COL26A1: variants seen among roughly 807,000 people sequenced by gnomAD.
The protein encoded by COL26A1 is collagen type XXVI alpha 1 chain.
Under a neutral mutation model 59.3 loss-of-function variants are expected in COL26A1, and 41 were observed. That is an observed-to-expected ratio of 0.69 (90% confidence interval 0.54 to 0.90). The LOEUF (loss-of-function observed/expected upper bound fraction) is 0.90. Among genes scored for constraint, COL26A1 ranks in the 40% least tolerant of loss-of-function variants. COL26A1 has a pLI of 0.00. For synonymous variants in COL26A1, 266 were observed against 256.0 expected, an observed-to-expected ratio of 1.04 and a Z score of -0.37; for missense variants, 612 against 602.3, an observed-to-expected ratio of 1.02 and a Z score of -0.17.
intron 3 of COL26A1, among the ~76,000 whole-genome samples, chr7:101,510,939 C>T (rs796499723): frequency 2.2e-5 from 3 of 136,394 alleles, no homozygotes; most frequent in African/African-American, 8.3e-5. Context: ...CTCGCTCTGT[C>T]GCCCAGGCTG....
At chr7:101,453,856 C>A (rs1276842214) in intron 3 of COL26A1, among the ~76,000 whole-genome samples, 1 of 152,166 alleles carries the variant, frequency 6.6e-6, no homozygotes. Flanking sequence ...CATTAATTCC[C>A]TTTTGCGTCT....
At chr7:101,513,570 C>G (rs1350505015) in intron 3 of COL26A1, among the ~76,000 whole-genome samples, 2 of 152,078 alleles carry the variant, frequency 1.3e-5, no homozygotes, top group Non-Finnish European at 2.9e-5. Flanking sequence ...GTCTCAAGCT[C>G]TTGGCCTCAA....
chr7:101,379,001 A>C (rs1020149020), intron 1 of COL26A1, among the ~76,000 whole-genome samples: 2 of 152,080 alleles, frequency 1.3e-5, no homozygotes, highest in African/African-American at 2.4e-5. Flanking sequence ...CCCCGTAGTT[A>C]CGAAGCCTTT....
chr7:101,441,060 C>G (rs576981396), intron 2 of COL26A1, among the ~76,000 whole-genome samples: 5 of 152,096 alleles, frequency 3.3e-5, no homozygotes, highest in South Asian at 2.1e-4. Context: ...ATCAGGGGCC[C>G]GAGATCAGTC....
At position 101,434,430 on chromosome 7, in the gene COL26A1, G is replaced by A. The variant is rs966818918; in HGVS notation, c.282-13254G>A. Among the ~76,000 whole-genome samples, 11 of 151,236 alleles carry A rather than the reference G, an allele frequency of 7.3e-5. 1 individual carries two copies. The highest frequency in any genetic ancestry group is 5.9e-4 in the Admixed American group (9 of 15,142). ...CACCACGCTTGGTTAATTTCTTTTT[G>A]TTCTTATTTTTTGTAGAGACAGGGT... On this transcript the variant is annotated intron_variant, in intron 2 of 12. Coordinates refer to ENST00000313669, the MANE Select transcript of COL26A1 (RefSeq NM_001278563.3).
intron 2 of COL26A1, among the ~76,000 whole-genome samples, chr7:101,426,283 C>T (rs1295803136): frequency 6.6e-6 from 1 of 152,122 alleles, no homozygotes; most frequent in Non-Finnish European, 1.5e-5. Context: ...GCACTGGTTT[C>T]CCCATGGCTC....
At chr7:101,466,203 C>T (rs1207135998) in intron 3 of COL26A1, among the ~76,000 whole-genome samples, 1 of 152,032 alleles carries the variant, frequency 6.6e-6, no homozygotes, top group African/African-American at 2.4e-5. Flanking sequence ...GTGGGCTGGT[C>T]GCTTCCTGTC....
At chr7:101,494,375 C>T (rs1475250277) in intron 3 of COL26A1, among the ~76,000 whole-genome samples, 2 of 152,204 alleles carry the variant, frequency 1.3e-5, no homozygotes, top group African/African-American at 4.8e-5. Flanking sequence ...GATCTGCTGG[C>T]CATAGTCTCC....
rs1795812680 is a variant in COL26A1 at position 101,549,342 on chromosome 7, C to T, written c.993+119C>T. 1.9e-5 allele frequency: 12 copies of T among 626,838 alleles called. No homozygotes were observed. In the East Asian group the frequency reaches 2.8e-4, roughly 15 times the overall value. 38.8% of individuals were successfully genotyped at this position (626,838 alleles called of 1,614,324 possible). On this transcript the variant is annotated intron_variant, in intron 9 of 12. Coordinates refer to ENST00000313669, the MANE Select transcript of COL26A1 (RefSeq NM_001278563.3). ...AAGAGTCACTCAGGAAGGAGCCAGTCGGCCTGGCCGGTGAGATTTTATTTT... is the reference window on the plus strand; with the variant it reads ...AAGAGTCACTCAGGAAGGAGCCAGTTGGCCTGGCCGGTGAGATTTTATTTT...
intron 2 of COL26A1, among the ~76,000 whole-genome samples, chr7:101,424,350 C>G (rs1232234322): frequency 6.6e-6 from 1 of 152,118 alleles, no homozygotes; most frequent in African/African-American, 2.4e-5. Flanking sequence ...GTAATCCCGG[C>G]ACTTTGGGGG....
At chr7:101,374,029 A>G (rs553989555) in intron 1 of COL26A1, among the ~76,000 whole-genome samples, 55 of 152,202 alleles carry the variant, frequency 3.6e-4, no homozygotes, top group Non-Finnish European at 6.2e-4. Flanking sequence ...AGCAACAATA[A>G]CTAACTGTTA....
chr7:101,527,703 TC>T (rs1413318161), intron 3 of COL26A1, among the ~76,000 whole-genome samples: 1 of 152,072 alleles, frequency 6.6e-6, no homozygotes, highest in Non-Finnish European at 1.5e-5. Context: ...CGTTGACACT[TC>T]CAACATACAC....
chr7:101,543,558 G>A (rs1795662080), intron 5 of COL26A1, among the ~76,000 whole-genome samples: 1 of 151,974 alleles, frequency 6.6e-6, no homozygotes, highest in Admixed American at 6.6e-5. Flanking sequence ...ATCTGTAGCT[G>A]GGAAGATCCA....
chr7:101,539,644 C>T (rs943782666), intron 4 of COL26A1, among the ~76,000 whole-genome samples: 2 of 152,092 alleles, frequency 1.3e-5, no homozygotes, highest in East Asian at 1.9e-4. Context: ...GGGACTTTGA[C>T]GGTGTCTGAA....
intron 3 of COL26A1, among the ~76,000 whole-genome samples, chr7:101,495,937 T>TA (rs5886196): frequency 3.3e-5 from 5 of 150,990 alleles, no homozygotes; most frequent in East Asian, 4.0e-4. Flanking sequence ...CTACAAAAAA[T>TA]AAAAAAAATT....
chr7:101,532,472 A>T (rs1346465755), intron 3 of COL26A1, among the ~76,000 whole-genome samples: 1 of 152,162 alleles, frequency 6.6e-6, no homozygotes, highest in Non-Finnish European at 1.5e-5. Context: ...CCAGCCTCAG[A>T]AAATGTACTC....
intron 6 of COL26A1, among the ~76,000 whole-genome samples, chr7:101,544,597 A>G (rs1443899215): frequency 1.4e-5 from 2 of 145,632 alleles, no homozygotes; most frequent in East Asian, 2.0e-4. Context: ...CGGTGGCACA[A>G]TCTCAGCTCA....
chr7:101,397,674 C>A (rs191175455), intron 1 of COL26A1, among the ~76,000 whole-genome samples: 1 of 151,774 alleles, frequency 6.6e-6, no homozygotes, highest in East Asian at 1.9e-4. Context: ...GTAGCTGGGA[C>A]TACAGGCACA....
intron 3 of COL26A1, among the ~76,000 whole-genome samples, chr7:101,514,586 G>A (rs1331179868): frequency 6.6e-6 from 1 of 152,104 alleles, no homozygotes; most frequent in Non-Finnish European, 1.5e-5. Context: ...TATGGCTAGC[G>A]AGGCAGTGCT....
Sources: allele counts gnomAD v4.1 joint callset (sites outside exome capture counted in the v4.1 genomes callset), GRCh38; gene constraint gnomAD v4.1.1; transcripts MANE v1.5; gene names NCBI Gene and HGNC (gene_info 2026-07-23, HGNC 2026-07-21).